TECTA: variants seen among roughly 807,000 people sequenced by gnomAD.
TECTA encodes the protein tectorin alpha.
In TECTA, 128 loss-of-function variants were observed where a neutral mutation model predicts 216.8. The observed-to-expected ratio is 0.59, with a 90% confidence interval of 0.51 to 0.68. The LOEUF (loss-of-function observed/expected upper bound fraction) is 0.68, where lower values mean the gene tolerates loss of function less well. TECTA is among the 30% of genes least tolerant of loss of function. TECTA has a pLI of 0.00. For missense variants in TECTA, 2,551 were observed against 2,786.2 expected (o/e 0.92, Z 1.90); for synonymous variants, 1,089 against 1,117.1 (o/e 0.97, Z 0.50).
chr11:121,124,345 C>A (rs1234361113), intron 7 of TECTA, among the ~76,000 whole-genome samples: 8 of 152,178 alleles, frequency 5.3e-5, no homozygotes, highest in Non-Finnish European at 1.0e-4. Flanking sequence ...CCTCTGTAGT[C>A]CAGTAACACC....
rs545568168 is a variant in TECTA at position 121,146,083 on chromosome 11, A to G, written c.4072A>G (p.Thr1358Ala). The change falls in exon 12 of 24, where the codon ACG (threonine) becomes GCG (alanine). Residue 1358 changes from threonine (T) to alanine (A), a missense_variant. Transcript: ENST00000392793. ...YASTCQTQGITVTGWRNYTSC... is the reference protein window; with the variant it reads ...YASTCQTQGIAVTGWRNYTSC... ...CAGCACCTGCCAGACTCAGGGGATT[A>G]CGGTGACTGGCTGGAGGAATTACAC... is the stretch of plus-strand genomic sequence containing the variant. 4 of 1,611,936 alleles carry G rather than the reference A, an allele frequency of 2.5e-6. No homozygotes were observed. In the South Asian group the frequency reaches 3.3e-5, roughly 13 times the overall value.
intron 11 of TECTA, 129 bp downstream of exon 11, chr11:121,138,151 G>A: frequency 3.1e-6 from 4 of 1,300,596 alleles, no homozygotes; most frequent in African/African-American, 1.5e-5. Context: ...AAAGCAGAGA[G>A]AGGCCCTAGA....
chr11:121,152,111 A>G (rs566315776), intron 12 of TECTA, among the ~76,000 whole-genome samples: 1 of 152,386 alleles, frequency 6.6e-6, no homozygotes, highest in African/African-American at 2.4e-5. Context: ...AGCTGGTTCC[A>G]GAGCCCACAC....
intron 20 of TECTA, among the ~76,000 whole-genome samples, chr11:121,179,875 CT>C (rs1481330620): frequency 6.6e-6 from 1 of 151,386 alleles, no homozygotes; most frequent in Non-Finnish European, 1.5e-5. Context: ...CACAAATTAT[CT>C]TTTTCCATCC....
Position 121,137,934 on chromosome 11 carries a change from C to G in TECTA, c.3455C>G (p.Pro1152Arg), listed in dbSNP as rs760105049. The G allele has an allele frequency of 4.4e-6, 7 of 1,608,630 alleles. No homozygotes were observed. The East Asian group carries it at 1.6e-4, about 36-fold the overall frequency. Reference protein sequence around the residue: ...VVTAKNEDRDPSLALWVKQVD... With the variant: ...VVTAKNEDRDRSLALWVKQVD... ...ACAGCCAAGAATGAGGACCGGGACC[C>G]GTCACTGGCCTTGTGGGTTAAGCAG... is the stretch of plus-strand genomic sequence containing the variant. Residue 1152 changes from proline (P) to arginine (R), a missense_variant, in exon 11 of 24, where the codon CCG becomes CGG. Physicochemically the swap from Pro to Arg is moderately radical, Grantham distance 103 (BLOSUM62 -2). Coordinates refer to ENST00000392793, the MANE Select transcript of TECTA (RefSeq NM_005422.4).
chr11:121,183,444 CAGTGGAA>C (rs1947250991), intron 20 of TECTA, among the ~76,000 whole-genome samples: 1 of 152,322 alleles, frequency 6.6e-6, no homozygotes, highest in African/African-American at 2.4e-5. Flanking sequence ...CGAAAGTCTG[CAGTGGAA>C]TATGGACCAC....
intron 8 of TECTA, 114 bp downstream of exon 8, chr11:121,125,986 A>T: frequency 1.6e-6 from 2 of 1,263,662 alleles, no homozygotes; most frequent in Non-Finnish European, 2.2e-6. Flanking sequence ...AATGAGGGGG[A>T]GGTTGAAATT....
intron 11 of TECTA, among the ~76,000 whole-genome samples, chr11:121,144,503 C>T (rs1946815354): frequency 6.6e-6 from 1 of 152,104 alleles, no homozygotes; most frequent in Non-Finnish European, 1.5e-5. Context: ...TCTTAAAACA[C>T]CTACTTCTCC....
At chr11:121,129,600 G>A in intron 9 of TECTA, 38 bp from the exon 10 acceptor site, 1 of 1,602,310 alleles carries the variant, frequency 6.2e-7, no homozygotes, top group Non-Finnish European at 8.6e-7. Flanking sequence ...AGTGCTCTGT[G>A]TGTCTCTGGA....
Position 121,118,290 on chromosome 11 carries a change from T to C in TECTA, c.791-16T>C, listed in dbSNP as rs766602906. 15 of 1,613,916 alleles carry C rather than the reference T, an allele frequency of 9.3e-6. No homozygotes were observed. In the Admixed American group the frequency reaches 2.5e-4, roughly 27 times the overall value. The stretch of plus-strand genomic sequence containing the variant: ...AATGCTCAGTAAATGTTGGCTCTAA[T>C]GTCATTATTCCCCAGGACAATTCCT... On this transcript the variant is annotated splice_polypyrimidine_tract_variant and intron_variant, in intron 6 of 23. Coordinates refer to ENST00000392793, the MANE Select transcript of TECTA (RefSeq NM_005422.4).
chr11:121,123,455 C>A (rs1428997608), intron 7 of TECTA, among the ~76,000 whole-genome samples: 1 of 152,128 alleles, frequency 6.6e-6, no homozygotes, highest in Non-Finnish European at 1.5e-5. Context: ...AGGCTTTCAT[C>A]CTCATCACCT....
chr11:121,119,378 C>G (rs1041036804), intron 7 of TECTA, among the ~76,000 whole-genome samples: 2 of 152,136 alleles, frequency 1.3e-5, no homozygotes, highest in Admixed American at 1.3e-4. Flanking sequence ...CAACTCCCAC[C>G]TAGAATAACA....
Position 121,105,827 on chromosome 11 carries a change from A to G in TECTA, c.65-4A>G. On this transcript the variant is annotated splice_region_variant and splice_polypyrimidine_tract_variant and intron_variant, in intron 2 of 23. Coordinates refer to ENST00000392793, the MANE Select transcript of TECTA (RefSeq NM_005422.4). The surrounding 1 kb of genome is among the most constrained non-coding windows in gnomAD (Gnocchi z 5.3). ...ATCTATCTAACCATCATCTCTCTTG[A>G]CAGCTCAGCCCAGGGAGCTCATGTA... The G allele has an allele frequency of 6.2e-7, 1 of 1,614,126 alleles. No homozygotes were observed. Among genetic ancestry groups the G allele is most frequent in the Middle Eastern group, 1.7e-4 (1 of 6,060 alleles).
rs1246735581 is a variant in TECTA at position 121,146,057 on chromosome 11, C to CCAG, written c.4049_4051dup (p.Ser1350dup). The CCAG allele has an allele frequency of 6.2e-7, 1 of 1,613,128 alleles. No individual in the cohort carries two copies. The highest frequency in any genetic ancestry group is 1.3e-5 in the African/African-American group (1 of 74,958). ...GCCTGCAGCTGGCTGCAGAACTACG[C>CCAG]CAGCACCTGCCAGACTCAGGGGATT... On this transcript the variant is annotated inframe_insertion, in exon 12 of 24. Transcript: ENST00000392793.
rs1946465688 is a variant in TECTA at position 121,113,566 on chromosome 11, G to T, written c.638G>T (p.Gly213Val). 6 of 1,613,962 alleles carry T rather than the reference G, an allele frequency of 3.7e-6. No individual in the cohort carries two copies. In the East Asian group the frequency reaches 1.3e-4, roughly 36 times the overall value. ...GGVMAQAGFN[G>V]GNLTNFFSLP... The stretch of plus-strand genomic sequence containing the variant: ...TTTGTGCTGCAGGCAGGATTTAATG[G>T]TGGAAACCTCACCAATTTCTTCAGC... The change falls in exon 6 of 24, where the codon GGT (glycine) becomes GTT (valine). Residue 213 changes from glycine to valine, a missense_variant. Coordinates refer to ENST00000392793, the MANE Select transcript of TECTA (RefSeq NM_005422.4). This position sits in a 1 kb window ranked among gnomAD's most constrained non-coding sequence, Gnocchi z 4.2.
chr11:121,131,213 C>CA (rs10683692), intron 10 of TECTA, among the ~76,000 whole-genome samples: 18,403 of 70,640 alleles, frequency 0.26, 2,913 homozygotes, highest in East Asian at 0.47. Flanking sequence ...GACTCCATCT[C>CA]AAAAAAAAAA....
intron 12 of TECTA, among the ~76,000 whole-genome samples, chr11:121,151,770 T>C (rs1176681681): frequency 6.6e-6 from 1 of 152,230 alleles, no homozygotes; most frequent in Non-Finnish European, 1.5e-5. Context: ...AACTGTGTAC[T>C]CTAAAAGTAG....
chr11:121,119,927 G>A (rs1338060132), intron 7 of TECTA, among the ~76,000 whole-genome samples: 2 of 152,200 alleles, frequency 1.3e-5, no homozygotes, highest in African/African-American at 4.8e-5. Context: ...AAGGCTAAGA[G>A]TTTAGATATA....
Position 121,168,139 on chromosome 11 carries a change from C to T in TECTA, c.5672C>T (p.Thr1891Met), listed in dbSNP as rs200977539. The change falls in exon 19 of 24, where the codon ACG (threonine) becomes ATG (methionine). Residue 1891 changes from threonine to methionine, a missense_variant. Physicochemically the swap from Thr to Met is moderately conservative, Grantham distance 81. This residue lies in a region of TECTA where 2,375 missense variants were observed against 2,563.9 expected (regional missense o/e 0.93). Coordinates refer to ENST00000392793, the MANE Select transcript of TECTA (RefSeq NM_005422.4). Reference sequence around the variant, plus strand: ...GGCAACATCATCACCAGGGACCGCACGATCAATGTGGAATTTTCATGTGCT... The same window carrying T: ...GGCAACATCATCACCAGGGACCGCATGATCAATGTGGAATTTTCATGTGCT... ...NTGNIITRDR[T>M]INVEFSCAYE... 97 of 1,614,166 alleles carry T rather than the reference C, an allele frequency of 6.0e-5. No homozygotes were observed. Among genetic ancestry groups the T allele is most frequent in the Middle Eastern group, 4.9e-4 (3 of 6,062 alleles).
Sources: gnomAD v4.1 joint callset for allele counts (sites outside exome capture counted in the v4.1 genomes callset) on GRCh38, gnomAD v4.1.1 for gene constraint, gnomAD v4.1.1 regional missense constraint, Gnocchi (gnomAD v3.1) non-coding constraint, MANE v1.5 for transcripts, NCBI Gene and HGNC (gene_info 2026-07-23, HGNC 2026-07-21) for gene names.